Variants in FLT3 observed in about 807,000 individuals in gnomAD.
FLT3 encodes fms related receptor tyrosine kinase 3, also known as receptor-type tyrosine-protein kinase FLT3.
FLT3 carries 46 observed loss-of-function variants against 126.6 expected under a neutral mutation model. The ratio of observed to expected loss-of-function variants is 0.36; its 90% CI spans 0.29 to 0.46. The LOEUF is 0.46. Ranked by LOEUF, FLT3 falls within the 20% of genes least tolerant of loss-of-function variation. The pLI is 1.00. For missense variants in FLT3, 1,069 were observed against 1,190.3 expected, an observed-to-expected ratio of 0.90 and a Z score of 1.50; for synonymous variants, 404 against 434.4, an observed-to-expected ratio of 0.93 and a Z score of 0.87.
chr13:28,028,054 T>C, intron 16 of FLT3, 124 bp downstream of exon 16: 2 of 638,354 alleles, frequency 3.1e-6, no homozygotes, highest in Admixed American at 5.0e-5. Context: ...GGTTTGAGAG[T>C]TCACACTGTG....
intron 2 of FLT3, among the ~76,000 whole-genome samples, chr13:28,069,768 A>G (rs1877341629): frequency 1.3e-5 from 2 of 152,204 alleles, no homozygotes; most frequent in Non-Finnish European, 2.9e-5. Flanking sequence ...TAGGTATTAT[A>G]AAGCATTTGC....
At chr13:28,009,558 G>A (rs1871194988) in intron 23 of FLT3, 1 of 152,004 alleles carries the variant, frequency 6.6e-6, no homozygotes. Flanking sequence ...TTTTAGTTTA[G>A]TTTAGTTCTG....
At chr13:28,052,378 G>C (rs1875586334) in intron 5 of FLT3, among the ~76,000 whole-genome samples, 167 bp downstream of exon 5, 1 of 152,208 alleles carries the variant, frequency 6.6e-6, no homozygotes, top group Non-Finnish European at 1.5e-5. Flanking sequence ...TTACAGGCGT[G>C]AGCCACTTCA....
At chr13:28,047,711 C>CAAAAAAAAAAAAAAA (rs56745762) in intron 9 of FLT3, among the ~76,000 whole-genome samples, 1 of 108,592 alleles carries the variant, frequency 9.2e-6, no homozygotes, top group Non-Finnish European at 1.9e-5. Context: ...GACCTCATCT[C>CAAAAAAAAAAAAAAA]AAAAAAAAAA....
chr13:28,021,189 G>C (rs1302284521), intron 19 of FLT3, among the ~76,000 whole-genome samples: 1 of 152,060 alleles, frequency 6.6e-6, no homozygotes, highest in Non-Finnish European at 1.5e-5. Context: ...AGGAGTTTGA[G>C]ACCAGTCTGA....
intron 1 of FLT3, among the ~76,000 whole-genome samples, chr13:28,093,743 AGCCACTGT>A (rs1292601222): frequency 2.0e-5 from 3 of 152,096 alleles, no homozygotes; most frequent in African/African-American, 4.8e-5. Flanking sequence ...TTAGAGGTTC[AGCCACTGT>A]GCATATTTCT....
At position 28,036,769 on chromosome 13, in the gene FLT3, GGA is replaced by G. The variant is rs1222977353; in HGVS notation, c.1309+414_1309+415del. Among the ~76,000 whole-genome samples, 8 of 152,310 alleles carry G rather than the reference GGA, an allele frequency of 5.3e-5. No homozygotes were observed. The East Asian group carries it at 1.5e-3, about 29-fold the overall frequency. On this transcript the variant is annotated intron_variant, in intron 10 of 23. Coordinates refer to ENST00000241453, the MANE Select transcript of FLT3 (RefSeq NM_004119.3). ...AAGGTATGAGGATCCCTTAAGGCCA[GGA>G]GTTTGAGACCAACCTGGGCAACAAA...
At chr13:28,012,442 T>C (rs564034702) in intron 23 of FLT3, among the ~76,000 whole-genome samples, 1 of 152,176 alleles carries the variant, frequency 6.6e-6, no homozygotes, top group African/African-American at 2.4e-5. Context: ...TACTCCCCCA[T>C]TCTCCCTGTA....
Position 28,100,388 on chromosome 13 carries a change from G to T in FLT3, c.43+80C>A. 1 of 1,016,716 alleles carries T rather than the reference G, an allele frequency of 9.8e-7. No homozygotes were observed. Among genetic ancestry groups the T allele is most frequent in the Non-Finnish European group, 1.3e-6 (1 of 796,214 alleles). The allele number at this position is 1,016,716 out of a possible 1,614,324, so 63.0% of individuals were successfully genotyped here. On this transcript the variant is annotated intron_variant, in intron 1 of 23. Coordinates refer to ENST00000241453, the MANE Select transcript of FLT3 (RefSeq NM_004119.3). The surrounding 1 kb of genome is among the most constrained non-coding windows in gnomAD (Gnocchi z 4.8). ...GAGGAGCGAGGCGGCTGGGCCGGAG[G>T]AGGCGCGCGCCCGGGTCCACACTGC...
intron 18 of FLT3, 147 bp downstream of exon 18, chr13:28,024,714 C>T (rs1593227873): frequency 1.8e-6 from 1 of 563,494 alleles, no homozygotes; most frequent in African/African-American, 1.9e-5. Context: ...ATAAAATCTA[C>T]AGTATACAAA....
intron 1 of FLT3, among the ~76,000 whole-genome samples, chr13:28,086,769 C>T (rs959293120): frequency 4.6e-5 from 7 of 151,986 alleles, no homozygotes; most frequent in Non-Finnish European, 8.8e-5. Flanking sequence ...GCCTCAGCCT[C>T]CCGAGTAGCT....
In FLT3 at chr13:28,003,777, C is replaced by T; in HGVS notation, c.*275G>A. The T allele has an allele frequency of 2.2e-6, 1 of 453,708 alleles. No homozygotes were observed. Among genetic ancestry groups the T allele is most frequent in the Non-Finnish European group, 4.0e-6 (1 of 250,700 alleles). The allele number at this position is 453,708 out of a possible 1,614,324, so 28.1% of individuals were successfully genotyped here. A position where few individuals can be genotyped will look rare whatever the true frequency, so the allele number is the denominator to read the frequency against. ...AAGAATATACTGTACTTCAGGTACA[C>T]AATTCACTCAAGCCAGCCTGAGAAG... On this transcript the variant is annotated 3_prime_UTR_variant, in exon 24 of 24. Transcript: ENST00000241453.
chr13:28,065,810 G>T (rs964662911), intron 2 of FLT3, among the ~76,000 whole-genome samples: 1 of 146,288 alleles, frequency 6.8e-6, no homozygotes, highest in Non-Finnish European at 1.5e-5. Flanking sequence ...CCTGGACAAC[G>T]GAGCGAGATC....
Position 28,034,313 on chromosome 13 carries a change from G to C in FLT3, c.1692C>G (p.His564Gln), listed in dbSNP as rs778646065. 6.2e-7 allele frequency: 1 copy of C among 1,613,262 alleles called. No individual in the cohort carries two copies. Among genetic ancestry groups the C allele is most frequent in the South Asian group, 1.1e-5 (1 of 91,056 alleles). The change falls in exon 13 of 24, where the codon CAC becomes CAG. Residue 564 changes from histidine to glutamine, a missense_variant. Coordinates refer to ENST00000241453, the MANE Select transcript of FLT3 (RefSeq NM_004119.3). Reference sequence around the variant, plus strand: ...CCTTTGCTTTTACCTTTTTGTACTTGTGACAAATTAGCAGGGTTAAAACGA... The same window carrying C: ...CCTTTGCTTTTACCTTTTTGTACTTCTGACAAATTAGCAGGGTTAAAACGA... ...FIVVLTLLIC[H>Q]KYKKQFRYES...
chr13:28,029,021 A>G (rs972003417), intron 15 of FLT3, among the ~76,000 whole-genome samples: 1 of 152,076 alleles, frequency 6.6e-6, no homozygotes, highest in Non-Finnish European at 1.5e-5. Flanking sequence ...GATTCAAGCA[A>G]TCCTCCCAAC....
intron 2 of FLT3, among the ~76,000 whole-genome samples, chr13:28,066,812 G>C (rs1292064292): frequency 6.6e-6 from 1 of 152,172 alleles, no homozygotes; most frequent in Non-Finnish European, 1.5e-5. Context: ...ACCAATGGGT[G>C]CTAAAATCAG....
At chr13:28,071,470 T>C (rs56146647) in intron 1 of FLT3, among the ~76,000 whole-genome samples, 26,924 of 152,046 alleles carry the variant, frequency 0.18, 2,444 homozygotes, top group Middle Eastern at 0.26. Flanking sequence ...ATCCCTCTGT[T>C]TGGCATTTTC....
At chr13:28,009,520 G>A (rs9579141) in intron 23 of FLT3, 39,924 of 152,038 alleles carry the variant, frequency 0.26, 5,377 homozygotes, top group East Asian at 0.33. Context: ...CTTTCTTACT[G>A]TCAAAGCCAA....
intron 22 of FLT3, 82 bp from the exon 23 acceptor site, chr13:28,014,639 AT>A: frequency 1.1e-6 from 1 of 941,270 alleles, no homozygotes; most frequent in Non-Finnish European, 1.7e-6. Flanking sequence ...ATGAAGCACC[AT>A]TTATTCCTCT....
Sources: gnomAD v4.1 joint callset for allele counts (sites outside exome capture counted in the v4.1 genomes callset) on GRCh38, gnomAD v4.1.1 for gene constraint, Gnocchi (gnomAD v3.1) non-coding constraint, MANE v1.5 for transcripts, NCBI Gene and HGNC (gene_info 2026-07-23, HGNC 2026-07-21) for gene names.